Variants in GALNT13 observed in about 807,000 individuals in gnomAD.
GALNT13 encodes polypeptide N-acetylgalactosaminyltransferase 13.
GALNT13 carries 28 observed loss-of-function variants against 64.2 expected under a neutral mutation model. The observed-to-expected ratio is 0.44, with a 90% CI of 0.32 to 0.60. The LOEUF (loss-of-function observed/expected upper bound fraction) is 0.60, where lower values mean the gene tolerates loss of function less well. Among genes scored for constraint, GALNT13 ranks in the 20% least tolerant of loss-of-function variants. The pLI, the probability that GALNT13 is intolerant of heterozygous loss-of-function variation, is 0.05. For synonymous variants in GALNT13, 214 were observed against 224.6 expected, an observed-to-expected ratio of 0.95 and a Z score of 0.42; for missense variants, 577 against 669.8, an observed-to-expected ratio of 0.86 and a Z score of 1.53.
At chr2:153,248,275 G>T in the GALNT13 span, among the ~76,000 whole-genome samples, 1 of 151,958 alleles carries the variant, frequency 6.6e-6, no homozygotes, top group Non-Finnish European at 1.5e-5. Context: ...AAAATTTTAG[G>T]CCAACATCCC....
At chr2:154,098,438 T>A (rs1477304649) in intron 3 of GALNT13, among the ~76,000 whole-genome samples, 1 of 152,000 alleles carries the variant, frequency 6.6e-6, no homozygotes, top group Non-Finnish European at 1.5e-5. Flanking sequence ...ATGAAAATGG[T>A]TTTGTTTACT....
the GALNT13 span, among the ~76,000 whole-genome samples, chr2:153,384,053 A>G: frequency 6.6e-6 from 1 of 151,990 alleles, no homozygotes; most frequent in African/African-American, 2.4e-5. Context: ...GATAGCAAAA[A>G]CCCATTTTCT....
intron 3 of GALNT13, among the ~76,000 whole-genome samples, chr2:153,986,104 A>G (rs911939220): frequency 2.0e-5 from 3 of 152,066 alleles, no homozygotes; most frequent in Admixed American, 2.0e-4. Flanking sequence ...GGCAGTAAAA[A>G]GACTGTAACT....
At chr2:153,085,967 C>T in the GALNT13 span, among the ~76,000 whole-genome samples, 1,069 of 152,290 alleles carry the variant, frequency 7.0e-3, 6 homozygotes, top group African/African-American at 0.011. Flanking sequence ...CCATGGGAGC[C>T]GCCTCTTGCA....
chr2:154,062,552 T>C (rs989230), intron 3 of GALNT13, among the ~76,000 whole-genome samples: 113,764 of 152,004 alleles, frequency 0.75, 42,957 homozygotes, highest in East Asian at 0.96. Context: ...GGGAAGTAAA[T>C]ACCTCTCACC....
intron 9 of GALNT13, among the ~76,000 whole-genome samples, chr2:154,347,688 T>C (rs1696149063): frequency 1.3e-5 from 2 of 152,196 alleles, no homozygotes; most frequent in South Asian, 2.1e-4. Context: ...TTTATAATCA[T>C]AGATTTTCAC....
At chr2:153,959,027 A>G (rs1359874589) in intron 3 of GALNT13, among the ~76,000 whole-genome samples, 1 of 152,238 alleles carries the variant, frequency 6.6e-6, no homozygotes, top group Non-Finnish European at 1.5e-5. Context: ...CTTGTTAGAA[A>G]GCACACAGGA....
chr2:153,204,331 T>C, the GALNT13 span, among the ~76,000 whole-genome samples: 1 of 152,224 alleles, frequency 6.6e-6, no homozygotes, highest in Non-Finnish European at 1.5e-5. Context: ...TTTCAAGGTC[T>C]AGGAAATTGG....
chr2:153,606,838 C>T, the GALNT13 span, among the ~76,000 whole-genome samples: 1 of 151,762 alleles, frequency 6.6e-6, no homozygotes, highest in African/African-American at 2.4e-5. Context: ...CTCTCAGTTC[C>T]CTAAAAGCTC....
At chr2:154,232,830 T>A (rs1002915645) in intron 4 of GALNT13, among the ~76,000 whole-genome samples, 1 of 150,218 alleles carries the variant, frequency 6.7e-6, no homozygotes, top group African/African-American at 2.4e-5. Flanking sequence ...CTCAGGAGTT[T>A]GAGACAAGCC....
intron 1 of GALNT13, among the ~76,000 whole-genome samples, chr2:153,899,405 A>T (rs930609645): frequency 2.0e-5 from 3 of 152,210 alleles, no homozygotes; most frequent in African/African-American, 7.2e-5. Context: ...GTATTGAATT[A>T]TATGTGAAGA....
At chr2:153,548,602 GC>G in the GALNT13 span, among the ~76,000 whole-genome samples, 1 of 152,030 alleles carries the variant, frequency 6.6e-6, no homozygotes, top group African/African-American at 2.4e-5. Context: ...TGGTATAAAG[GC>G]CCCTGACACT....
chr2:154,421,828 A>G (rs1298377812), intron 11 of GALNT13, among the ~76,000 whole-genome samples: 1 of 152,144 alleles, frequency 6.6e-6, no homozygotes, highest in East Asian at 1.9e-4. Flanking sequence ...ATCGCTGTTT[A>G]AATCCACTTT....
the GALNT13 span, among the ~76,000 whole-genome samples, chr2:153,258,142 A>G: frequency 5.3e-5 from 8 of 152,242 alleles, no homozygotes; most frequent in Admixed American, 5.2e-4. Context: ...ATCAAAGCCA[A>G]TTTGGAAAGC....
At chr2:153,736,039 A>G in the GALNT13 span, among the ~76,000 whole-genome samples, 1 of 152,186 alleles carries the variant, frequency 6.6e-6, no homozygotes, top group African/African-American at 2.4e-5. Context: ...ACTTTCATCT[A>G]CTAATTCCAG....
intron 7 of GALNT13, among the ~76,000 whole-genome samples, chr2:154,250,608 A>T (rs1690016652): frequency 1.3e-5 from 2 of 152,044 alleles, no homozygotes; most frequent in Non-Finnish European, 2.9e-5. Context: ...CCTCCCCAAA[A>T]ATATTATCAC....
the GALNT13 span, among the ~76,000 whole-genome samples, chr2:153,444,877 A>G: frequency 6.6e-6 from 1 of 152,208 alleles, no homozygotes; most frequent in African/African-American, 2.4e-5. Context: ...GGTGTTTCAC[A>G]TACAAGTCTT....
At chr2:154,073,807 A>G (rs1700856812) in intron 3 of GALNT13, among the ~76,000 whole-genome samples, 3 of 151,854 alleles carry the variant, frequency 2.0e-5, no homozygotes, top group Admixed American at 1.3e-4. Flanking sequence ...TATCTGAAAA[A>G]TCTGCCAGAA....
chr2:154,019,928 A>G (rs1458245310), intron 3 of GALNT13, among the ~76,000 whole-genome samples: 3 of 145,998 alleles, frequency 2.1e-5, no homozygotes, highest in African/African-American at 7.7e-5. Context: ...TTCAGTTCCC[A>G]CCTATGAGTG....
Sources: allele counts gnomAD v4.1 joint callset (sites outside exome capture counted in the v4.1 genomes callset), GRCh38; gene constraint gnomAD v4.1.1; transcripts MANE v1.5; gene names NCBI Gene and HGNC (gene_info 2026-07-23, HGNC 2026-07-21).